The following LINGO2 variants were observed in gnomAD, a reference collection of about 807,000 sequenced individuals.
The protein encoded by LINGO2 is leucine-rich repeat and immunoglobulin-like domain-containing nogo receptor-interacting protein 2.
In LINGO2, 14 loss-of-function variants were observed where a neutral mutation model predicts 30.6. That is an observed-to-expected ratio of 0.46 (90% CI 0.30 to 0.72). The LOEUF is 0.72. LINGO2 is among the 30% of genes least tolerant of loss of function. The pLI is 0.07. For missense variants in LINGO2, 729 were observed against 751.7 expected (o/e 0.97, Z 0.35); for synonymous variants, 317 against 288.5 (o/e 1.10, Z -1.00).
At chr9:28,062,443 T>C (rs993950087) in intron 4 of LINGO2, among the ~76,000 whole-genome samples, 1 of 143,830 alleles carries the variant, frequency 7.0e-6, no homozygotes, top group African/African-American at 2.7e-5. Flanking sequence ...TATATACATA[T>C]ATATGCATAC....
chr9:28,460,972 C>T lies in LINGO2; in HGVS notation c.-279+14968G>A, dbSNP rs75936272. Among the ~76,000 whole-genome samples the T allele has an allele frequency of 3.3e-3, 499 of 152,226 alleles. 4 individuals are homozygous for T. The highest frequency in any genetic ancestry group is 0.011 in the African/African-American group (459 of 41,534). On this transcript the variant is annotated intron_variant, in intron 2 of 5. Coordinates refer to ENST00000379992, the Ensembl canonical transcript of LINGO2. Reference sequence around the variant, plus strand: ...TTTTTTTAAAACCCTACAATCTCCGCAGTGTAGAAACAACTAGAGAGTATT... The same window carrying T: ...TTTTTTTAAAACCCTACAATCTCCGTAGTGTAGAAACAACTAGAGAGTATT...
chr9:28,354,576 C>T (rs997779386), intron 3 of LINGO2, among the ~76,000 whole-genome samples: 5 of 152,138 alleles, frequency 3.3e-5, no homozygotes, highest in African/African-American at 1.2e-4. Context: ...GCTCAAGAAA[C>T]ATGGGGTGAA....
chr9:28,064,797 C>T (rs1229157577), intron 4 of LINGO2, among the ~76,000 whole-genome samples: 1 of 152,042 alleles, frequency 6.6e-6, no homozygotes, highest in Non-Finnish European at 1.5e-5. Context: ...CAAAACCAAA[C>T]CTGGTGCCTT....
chr9:28,363,945 A>C (rs1458193358), intron 3 of LINGO2, among the ~76,000 whole-genome samples: 1 of 151,878 alleles, frequency 6.6e-6, no homozygotes, highest in Admixed American at 6.6e-5. Context: ...CAAAAGAGAA[A>C]ATATTTGTTG....
At chr9:27,981,560 GA>G (rs1318410176) in intron 5 of LINGO2, among the ~76,000 whole-genome samples, 3 of 87,292 alleles carry the variant, frequency 3.4e-5, no homozygotes, top group Non-Finnish European at 6.8e-5. Context: ...AGAAAAAAAA[GA>G]AAAAAAAAGA....
At chr9:28,979,052 T>C in the LINGO2 span, among the ~76,000 whole-genome samples, 2 of 152,074 alleles carry the variant, frequency 1.3e-5, no homozygotes, top group Non-Finnish European at 2.9e-5. Context: ...CCAATATTTC[T>C]CTCTTCTACC....
chr9:28,913,260 A>C, the LINGO2 span, among the ~76,000 whole-genome samples: 3 of 152,106 alleles, frequency 2.0e-5, no homozygotes, highest in African/African-American at 7.2e-5. Context: ...ATTATTAATG[A>C]TTTTATTATC....
the LINGO2 span, among the ~76,000 whole-genome samples, chr9:28,678,828 A>G: frequency 6.4e-4 from 97 of 152,264 alleles, no homozygotes; most frequent in African/African-American, 2.3e-3. Flanking sequence ...TTGTTACCCA[A>G]CCACAAACTT....
chr9:28,067,886 A>C (rs143802533), intron 4 of LINGO2, among the ~76,000 whole-genome samples: 15 of 152,304 alleles, frequency 9.8e-5, no homozygotes, highest in African/African-American at 3.6e-4. Flanking sequence ...AGGCAACAGA[A>C]GATCAGAGAG....
chr9:28,300,722 A>G (rs2134206517), intron 3 of LINGO2, among the ~76,000 whole-genome samples: 1 of 151,784 alleles, frequency 6.6e-6, no homozygotes, highest in Middle Eastern at 3.4e-3. Context: ...TTCAACAAAT[A>G]TTTAAACATG....
At chr9:28,581,178 A>G (rs965621920) in intron 1 of LINGO2, among the ~76,000 whole-genome samples, 2 of 151,950 alleles carry the variant, frequency 1.3e-5, no homozygotes, top group Non-Finnish European at 2.9e-5. Context: ...TGTTGGTTAG[A>G]GTCCATCTAA....
intron 1 of LINGO2, among the ~76,000 whole-genome samples, chr9:28,568,579 T>G (rs1172740983): frequency 6.6e-6 from 1 of 151,856 alleles, no homozygotes; most frequent in Non-Finnish European, 1.5e-5. Flanking sequence ...GACAAGAGAA[T>G]TTTAAAAGCA....
chr9:28,983,294 G>A, the LINGO2 span, among the ~76,000 whole-genome samples: 1 of 141,888 alleles, frequency 7.0e-6, no homozygotes, highest in African/African-American at 2.6e-5. Context: ...AATGTGTGGT[G>A]ACCCATTTAT....
At chr9:28,856,978 C>T in the LINGO2 span, among the ~76,000 whole-genome samples, 1 of 151,892 alleles carries the variant, frequency 6.6e-6, no homozygotes, top group Non-Finnish European at 1.5e-5. Context: ...ACCTGTGTAC[C>T]GATGTTGATT....
At chr9:28,797,263 A>G in the LINGO2 span, among the ~76,000 whole-genome samples, 1 of 149,136 alleles carries the variant, frequency 6.7e-6, no homozygotes, top group East Asian at 2.0e-4. Flanking sequence ...TTATCCTCAA[A>G]GAATTCATAT....
At chr9:28,849,136 C>T in the LINGO2 span, among the ~76,000 whole-genome samples, 1 of 142,724 alleles carries the variant, frequency 7.0e-6, no homozygotes, top group African/African-American at 2.6e-5. Flanking sequence ...TCCACTATCA[C>T]CAGTAGGTAC....
At chr9:28,198,816 C>G (rs1382037359) in intron 4 of LINGO2, among the ~76,000 whole-genome samples, 2 of 152,074 alleles carry the variant, frequency 1.3e-5, no homozygotes, top group African/African-American at 4.8e-5. Flanking sequence ...CCTTTATTTG[C>G]ACATACAATC....
chr9:28,359,679 T>C (rs1820366256), intron 3 of LINGO2, among the ~76,000 whole-genome samples: 4 of 152,184 alleles, frequency 2.6e-5, no homozygotes, highest in Admixed American at 1.3e-4. Flanking sequence ...CAAGTCCCTT[T>C]AGAATCCACT....
intron 3 of LINGO2, among the ~76,000 whole-genome samples, chr9:28,372,436 T>C (rs1175183739): frequency 6.6e-6 from 1 of 152,172 alleles, no homozygotes; most frequent in Non-Finnish European, 1.5e-5. Context: ...CTTCACATTC[T>C]TATAGGTAGA....
Sources: allele counts gnomAD v4.1 joint callset (sites outside exome capture counted in the v4.1 genomes callset), GRCh38; gene constraint gnomAD v4.1.1; transcripts MANE v1.5; gene names NCBI Gene and HGNC (gene_info 2026-07-23, HGNC 2026-07-21).